The following CUX1 variants were observed in gnomAD, a reference collection of about 807,000 sequenced individuals.
The protein encoded by CUX1 is cut like homeobox 1, also known as protein CASP.
A neutral mutation model predicts 158.8 loss-of-function variants in CUX1; 31 were observed. The observed-to-expected ratio is 0.20, with a 90% CI of 0.15 to 0.26. CUX1 has a LOEUF of 0.26. CUX1 is among the 10% of genes least tolerant of loss of function. The probability of loss-of-function intolerance (pLI) is 1.00; values close to 1 mark genes in which losing one functional copy is unlikely to be tolerated. For missense variants in CUX1, 1,589 were observed against 2,014.6 expected, an observed-to-expected ratio of 0.79 and a Z score of 4.04; for synonymous variants, 879 against 862.1, an observed-to-expected ratio of 1.02 and a Z score of -0.34.
chr7:101,829,006 AAGG>A (rs1431896430), intron 1 of CUX1, among the ~76,000 whole-genome samples: 1 of 151,430 alleles, frequency 6.6e-6, no homozygotes. Flanking sequence ...CCCTGGGGAA[AAGG>A]AGGCTTTAAG....
At chr7:102,231,084 C>T (rs1170931427) in intron 21 of CUX1, among the ~76,000 whole-genome samples, 2 of 141,926 alleles carry the variant, frequency 1.4e-5, no homozygotes, top group Non-Finnish European at 3.0e-5. Flanking sequence ...GGGTGGAGTG[C>T]AGTGGCGCGA....
intron 8 of CUX1, 56 bp downstream of exon 8, chr7:102,115,329 T>A (rs1831327059): frequency 6.6e-7 from 1 of 1,505,074 alleles, no homozygotes; most frequent in Admixed American, 1.9e-5. Flanking sequence ...CTGATTTTGC[T>A]TGAGTAGGGC....
At chr7:102,103,072 C>T (rs76146017) in intron 5 of CUX1, among the ~76,000 whole-genome samples, 94 of 152,294 alleles carry the variant, frequency 6.2e-4, no homozygotes, top group African/African-American at 2.2e-3. Flanking sequence ...GTACCAGAGC[C>T]GTCTGGACCT....
At chr7:101,879,782 T>C (rs1052139077) in intron 1 of CUX1, among the ~76,000 whole-genome samples, 2 of 152,238 alleles carry the variant, frequency 1.3e-5, no homozygotes, top group African/African-American at 4.8e-5. Flanking sequence ...TTCCTGCAGG[T>C]TCAGCTCCTG....
chr7:102,149,399 G>GCCCA (rs1423599322), intron 8 of CUX1, among the ~76,000 whole-genome samples: 2 of 123,356 alleles, frequency 1.6e-5, no homozygotes, highest in African/African-American at 6.0e-5. Flanking sequence ...GGGGGTCCCT[G>GCCCA]CCCACCCACC....
At chr7:102,184,106 C>G (rs1285330620) in intron 11 of CUX1, among the ~76,000 whole-genome samples, 1 of 152,194 alleles carries the variant, frequency 6.6e-6, no homozygotes, top group Non-Finnish European at 1.5e-5. Context: ...CTATGTTGCC[C>G]AGGCTGGTGT....
At chr7:101,903,758 T>C (rs994206920) in intron 1 of CUX1, among the ~76,000 whole-genome samples, 2 of 152,108 alleles carry the variant, frequency 1.3e-5, no homozygotes, top group Non-Finnish European at 2.9e-5. Context: ...GCAAGTATTC[T>C]ATGGAGTGCA....
intron 2 of CUX1, among the ~76,000 whole-genome samples, chr7:102,005,294 C>G (rs1025045966): frequency 1.3e-5 from 2 of 152,210 alleles, no homozygotes; most frequent in Non-Finnish European, 2.9e-5. Flanking sequence ...GGCACATTAC[C>G]TGAGGCCAGG....
chr7:102,059,297 C>T (rs565584323), intron 3 of CUX1, among the ~76,000 whole-genome samples: 10 of 152,324 alleles, frequency 6.6e-5, no homozygotes, highest in East Asian at 3.9e-4. Context: ...TTTCTCCAAG[C>T]CAGCGGCTTC....
chr7:102,056,964 C>T (rs1375734448), intron 3 of CUX1, among the ~76,000 whole-genome samples: 3 of 147,172 alleles, frequency 2.0e-5, no homozygotes, highest in South Asian at 2.2e-4. Context: ...TCTAGTGGTG[C>T]GATCTCGGCT....
At chr7:102,269,879 A>T (rs1486744029) in intron 14 of CUX1, among the ~76,000 whole-genome samples, 1 of 152,104 alleles carries the variant, frequency 6.6e-6, no homozygotes, top group Non-Finnish European at 1.5e-5. Flanking sequence ...CAACCAGCAT[A>T]TCCAGCCTCA....
chr7:102,274,216 C>A, intron 15 of CUX1: 1 of 1,607,440 alleles, frequency 6.2e-7, no homozygotes, highest in Non-Finnish European at 8.5e-7. Flanking sequence ...TGCGGAGGCA[C>A]CTCCTCATCG....
intron 11 of CUX1, among the ~76,000 whole-genome samples, chr7:102,182,162 G>A (rs1368779649): frequency 6.6e-6 from 1 of 152,202 alleles, no homozygotes; most frequent in Non-Finnish European, 1.5e-5. Flanking sequence ...GCTGTTTGGA[G>A]TTGCAGGTGG....
rs200864189 is a variant in CUX1 at position 101,838,128 on chromosome 7, A to AT, written c.30+20474dup. ...TTTCTCCTTCCTTTTCACTCGTCAC[A>AT]TTTTTTTTTTTTTTTAAATGACACA... On this transcript the variant is annotated intron_variant, in intron 1 of 23. Transcript: ENST00000292535. 9.3e-3 allele frequency among the ~76,000 whole-genome samples: 1,255 copies of AT among 135,600 alleles called. 17 individuals are homozygous for AT. Among genetic ancestry groups the AT allele is most frequent in the African/African-American group, 0.029 (1,080 of 36,902 alleles). The allele number at this position is 135,600 out of a possible 152,430, so 89.0% of individuals were successfully genotyped here.
At chr7:102,029,524 G>A (rs1353760241) in intron 3 of CUX1, among the ~76,000 whole-genome samples, 3 of 152,126 alleles carry the variant, frequency 2.0e-5, no homozygotes, top group Non-Finnish European at 4.4e-5. Context: ...GCGAGAGCAG[G>A]GAGTGAGTGA....
chr7:101,831,557 G>C (rs1378788382), intron 1 of CUX1, among the ~76,000 whole-genome samples: 4 of 152,020 alleles, frequency 2.6e-5, no homozygotes, highest in Admixed American at 6.6e-5. Flanking sequence ...CTCCCAAAGT[G>C]CTGGGATTAC....
At chr7:101,990,720 G>A (rs1814995469) in intron 2 of CUX1, among the ~76,000 whole-genome samples, 1 of 152,114 alleles carries the variant, frequency 6.6e-6, no homozygotes, top group South Asian at 2.1e-4. Context: ...GGGATAAATG[G>A]GGAAAACACT....
chr7:102,184,789 G>GGT (rs1431591190), intron 11 of CUX1, among the ~76,000 whole-genome samples: 1 of 152,154 alleles, frequency 6.6e-6, no homozygotes, highest in African/African-American at 2.4e-5. Flanking sequence ...TGGAACTACA[G>GGT]GTGTGCACCA....
chr7:101,836,637 T>G (rs1794661181), intron 1 of CUX1, among the ~76,000 whole-genome samples: 1 of 144,946 alleles, frequency 6.9e-6, no homozygotes, highest in Admixed American at 7.0e-5. Flanking sequence ...AGGTCAGGAG[T>G]TCGAGACCAG....
Sources: allele counts gnomAD v4.1 joint callset (sites outside exome capture counted in the v4.1 genomes callset), GRCh38; gene constraint gnomAD v4.1.1; transcripts MANE v1.5; gene names NCBI Gene and HGNC (gene_info 2026-07-23, HGNC 2026-07-21).